ATP6V0A2: variants seen among roughly 807,000 people sequenced by gnomAD.
ATP6V0A2 encodes V-type proton ATPase 116 kDa subunit a 2.
In ATP6V0A2, 58 loss-of-function variants were observed where a neutral mutation model predicts 104.4. The ratio of observed to expected loss-of-function variants is 0.56; its 90% CI spans 0.45 to 0.69. The LOEUF is 0.69. Among genes scored for constraint, ATP6V0A2 ranks in the 30% least tolerant of loss-of-function variants. The probability of loss-of-function intolerance (pLI) is 0.00; values close to 1 mark genes in which losing one functional copy is unlikely to be tolerated. For synonymous variants in ATP6V0A2, 376 were observed against 397.9 expected (o/e 0.95, Z 0.65); for missense variants, 938 against 1,062.9 (o/e 0.88, Z 1.63).
At chr12:123,735,463 C>G in intron 7 of ATP6V0A2, 68 bp from the exon 8 acceptor site, 1 of 1,431,288 alleles carries the variant, frequency 7.0e-7, no homozygotes, top group Non-Finnish European at 9.8e-7. Context: ...GAAGATGTGC[C>G]GGGGAGGTGA....
At chr12:123,718,385 G>C (rs1250219271) in intron 1 of ATP6V0A2, among the ~76,000 whole-genome samples, 2 of 151,710 alleles carry the variant, frequency 1.3e-5, no homozygotes, top group Non-Finnish European at 2.9e-5. Context: ...CTACCGCCCC[G>C]GCCTAATTTT....
chr12:123,749,706 A>G (rs10773034), intron 15 of ATP6V0A2, among the ~76,000 whole-genome samples: 83,701 of 152,064 alleles, frequency 0.55, 24,652 homozygotes, highest in East Asian at 0.94. Context: ...TTCTGCTGTG[A>G]GCGCCACGGC....
intron 6 of ATP6V0A2, 23 bp from the exon 7 acceptor site, chr12:123,733,903 T>G: frequency 6.4e-7 from 1 of 1,565,606 alleles, no homozygotes; most frequent in Non-Finnish European, 8.8e-7. Context: ...GAAATAACAC[T>G]TATCCTTATT....
In ATP6V0A2 at chr12:123,747,306, G is replaced by A. The variant is rs11836898; in HGVS notation, c.1606-301G>A. On this transcript the variant is annotated intron_variant, in intron 13 of 19. Transcript: ENST00000330342. ...TCCTGACCCTTCCAGTCTCTGAGCT[G>A]TGTGTGACTCTCCCTTGCCTTGCCT... Among the ~76,000 whole-genome samples, 3,636 of 152,296 alleles carry A rather than the reference G, an allele frequency of 0.024. 149 individuals are homozygous for A. The highest frequency in any genetic ancestry group is 0.082 in the African/African-American group (3,405 of 41,544).
intron 17 of ATP6V0A2, 111 bp from the exon 18 acceptor site, chr12:123,754,309 C>T: frequency 1.2e-6 from 1 of 848,250 alleles, no homozygotes; most frequent in Non-Finnish European, 2.0e-6. Flanking sequence ...TTCTTACCAG[C>T]ATCCAGCCGG....
At chr12:123,720,053 C>T (rs1956384214) in intron 2 of ATP6V0A2, among the ~76,000 whole-genome samples, 1 of 152,178 alleles carries the variant, frequency 6.6e-6, no homozygotes, top group African/African-American at 2.4e-5. Context: ...GTCTATTCTT[C>T]CTTTCTCTCG....
intron 6 of ATP6V0A2, chr12:123,731,584 C>T (rs1956502081): frequency 6.8e-6 from 1 of 146,594 alleles, no homozygotes; most frequent in African/African-American, 2.6e-5. Context: ...AACGATCCTC[C>T]TGCCTCTGCC....
intron 1 of ATP6V0A2, among the ~76,000 whole-genome samples, chr12:123,718,344 C>G (rs1017964455): frequency 3.9e-5 from 6 of 152,142 alleles, no homozygotes; most frequent in African/African-American, 1.4e-4. Context: ...CCCGCCTCAT[C>G]CTCCCAAAGT....
intron 2 of ATP6V0A2, among the ~76,000 whole-genome samples, chr12:123,719,932 G>T (rs117168902): frequency 6.6e-6 from 1 of 152,030 alleles, no homozygotes; most frequent in African/African-American, 2.4e-5. Flanking sequence ...ACCAACAAAC[G>T]ACCCCAGGGT....
chr12:123,716,524 C>G lies in ATP6V0A2; in HGVS notation c.118-2099C>G, dbSNP rs536105008. On this transcript the variant is annotated intron_variant, in intron 1 of 19. Transcript: ENST00000330342. Reference sequence around the variant, plus strand: ...AGTTTATGGAGGCCGGGTGCAGTGGCTCACACCTGTAATCCCGGCACTTTG... The same window carrying G: ...AGTTTATGGAGGCCGGGTGCAGTGGGTCACACCTGTAATCCCGGCACTTTG... Among the ~76,000 whole-genome samples, 16 of 152,286 alleles carry G rather than the reference C, an allele frequency of 1.1e-4. No homozygotes were observed. In the South Asian group the frequency reaches 2.7e-3, roughly 26 times the overall value.
At chr12:123,751,494 A>G (rs1956713702) in intron 16 of ATP6V0A2, among the ~76,000 whole-genome samples, 1 of 152,138 alleles carries the variant, frequency 6.6e-6, no homozygotes, top group African/African-American at 2.4e-5. Context: ...GTCTCTACCA[A>G]GAATACAAAA....
At chr12:123,717,143 C>T (rs1473019578) in intron 1 of ATP6V0A2, among the ~76,000 whole-genome samples, 3 of 151,760 alleles carry the variant, frequency 2.0e-5, no homozygotes, top group East Asian at 2.0e-4. Flanking sequence ...GGTGAAACCC[C>T]ATCTCTACTA....
Position 123,712,387 on chromosome 12 carries a change from C to T in ATP6V0A2, c.-179C>T, listed in dbSNP as rs1956300541. The T allele has an allele frequency of 5.5e-6, 2 of 362,734 alleles. No homozygotes were observed. The highest frequency in any genetic ancestry group is 1.0e-4 in the South Asian group (1 of 9,860). The allele number at this position is 362,734 out of a possible 1,614,324, so 22.5% of individuals were successfully genotyped here. A position where few individuals can be genotyped will look rare whatever the true frequency, so the allele number is the denominator to read the frequency against. ...CGGACTGCTGTGGCGGCAGCTGGAG[C>T]GGCGGCCGCGGTGGCAGAACCGGGG... On this transcript the variant is annotated 5_prime_UTR_variant, in exon 1 of 20. Coordinates refer to ENST00000330342, the MANE Select transcript of ATP6V0A2 (RefSeq NM_012463.4).
intron 9 of ATP6V0A2, among the ~76,000 whole-genome samples, chr12:123,740,592 C>T (rs192382548): frequency 7.2e-5 from 11 of 152,240 alleles, no homozygotes; most frequent in African/African-American, 2.6e-4. Context: ...ATTTCATAAA[C>T]GTTCTCCTGA....
Position 123,744,796 on chromosome 12 carries a change from A to G in ATP6V0A2, c.1514+12A>G, listed in dbSNP as rs1386937819. 1 of 1,614,028 alleles carries G rather than the reference A, an allele frequency of 6.2e-7. No homozygotes were observed. Among genetic ancestry groups the G allele is most frequent in the Non-Finnish European group, 8.5e-7 (1 of 1,180,030 alleles). On this transcript the variant is annotated intron_variant, in intron 12 of 19. Transcript: ENST00000330342. The surrounding 1 kb of genome is among the most constrained non-coding windows in gnomAD (Gnocchi z 5.4). ...ATGGTGCTTTGGAAGTAAGTGTCCCATAGCTGGTGATGCTCTGGGTGGAAA... is the reference window on the plus strand; with the variant it reads ...ATGGTGCTTTGGAAGTAAGTGTCCCGTAGCTGGTGATGCTCTGGGTGGAAA...
intron 8 of ATP6V0A2, 38 bp from the exon 9 acceptor site, chr12:123,737,021 T>C (rs914032453): frequency 1.9e-6 from 3 of 1,600,602 alleles, no homozygotes; most frequent in Non-Finnish European, 2.6e-6. Context: ...AACAAAAACA[T>C]GCCCACTCCA....
rs1383241760 is a variant in ATP6V0A2 at position 123,712,549 on chromosome 12, G to C, written c.-17G>C. On this transcript the variant is annotated 5_prime_UTR_variant, in exon 1 of 20. Transcript: ENST00000330342. ...GCCGCCGCCCATCGAGCCCCTCCGG[G>C]CGCGGGTCGGCCCGCCATGGGGTCC... is the stretch of plus-strand genomic sequence containing the variant. 1 of 1,560,344 alleles carries C rather than the reference G, an allele frequency of 6.4e-7. No homozygotes were observed. The highest frequency in any genetic ancestry group is 1.4e-5 in the African/African-American group (1 of 73,334).
At chr12:123,720,878 A>AG (rs1956392903) in intron 2 of ATP6V0A2, among the ~76,000 whole-genome samples, 1 of 152,138 alleles carries the variant, frequency 6.6e-6, no homozygotes, top group Non-Finnish European at 1.5e-5. Flanking sequence ...AAAAAAAAAA[A>AG]GAATAAATTG....
intron 1 of ATP6V0A2, among the ~76,000 whole-genome samples, chr12:123,716,656 TG>T (rs1297819913): frequency 4.6e-5 from 7 of 151,794 alleles, no homozygotes; most frequent in African/African-American, 1.7e-4. Flanking sequence ...CCGGGTGTGG[TG>T]GCACGTGCCT....
Sources: gnomAD v4.1 joint callset for allele counts (sites outside exome capture counted in the v4.1 genomes callset) on GRCh38, gnomAD v4.1.1 for gene constraint, Gnocchi (gnomAD v3.1) non-coding constraint, MANE v1.5 for transcripts, NCBI Gene and HGNC (gene_info 2026-07-23, HGNC 2026-07-21) for gene names.